FNTA: variants seen among roughly 807,000 people sequenced by gnomAD.
FNTA encodes farnesyltransferase, CAAX box, subunit alpha, also known as protein farnesyltransferase/geranylgeranyltransferase type-1 subunit alpha.
FNTA carries 27 observed loss-of-function variants against 55.2 expected under a neutral mutation model. That is an observed-to-expected ratio of 0.49 (90% confidence interval 0.36 to 0.67). FNTA has a LOEUF of 0.67. Ranked by LOEUF, FNTA falls within the 30% of genes least tolerant of loss-of-function variation. The pLI, the probability that FNTA is intolerant of heterozygous loss-of-function variation, is 0.00. For synonymous variants in FNTA, 176 were observed against 170.7 expected (o/e 1.03, Z -0.24); for missense variants, 422 against 464.7 (o/e 0.91, Z 0.85).
At chr8:43,076,964 G>T in intron 5 of FNTA, 1 of 322,406 alleles carries the variant, frequency 3.1e-6, no homozygotes, top group Admixed American at 4.7e-5. Context: ...AGTGAGTTTG[G>T]GGTTTTTTTC....
intron 5 of FNTA, among the ~76,000 whole-genome samples, chr8:43,072,758 T>C (rs921071596): frequency 6.6e-6 from 1 of 152,082 alleles, no homozygotes. Flanking sequence ...ATTAACATAC[T>C]TAAAACCTGA....
chr8:43,079,529 A>G (rs555433319), intron 6 of FNTA: 2 of 152,628 alleles, frequency 1.3e-5, no homozygotes, highest in African/African-American at 4.8e-5. Flanking sequence ...TGTTCAGAAA[A>G]ATTTCTTGGA....
rs576085708 is a variant in FNTA at position 43,069,794 on chromosome 8, G to A, written c.506+135G>A. 4.4e-4 allele frequency: 266 copies of A among 603,204 alleles called. 2 individuals are homozygous for A. The highest frequency in any genetic ancestry group is 6.9e-4 in the Non-Finnish European group (233 of 339,958). The allele number at this position is 603,204 out of a possible 1,614,324, so 37.4% of individuals were successfully genotyped here. On this transcript the variant is annotated intron_variant, in intron 4 of 8. Transcript: ENST00000302279. ...TGGGTAGCTGGGATTACAGGTGCAC[G>A]CAACCACACCTGGCTAATTTTGTAT...
At chr8:43,074,860 A>G (rs934005086) in intron 5 of FNTA, among the ~76,000 whole-genome samples, 1 of 152,148 alleles carries the variant, frequency 6.6e-6, no homozygotes, top group African/African-American at 2.4e-5. Flanking sequence ...ATGGGATTAA[A>G]TTGTGTAGAA....
chr8:43,057,956 C>CA (rs71550440), intron 1 of FNTA, among the ~76,000 whole-genome samples: 9,605 of 68,950 alleles, frequency 0.14, 393 homozygotes, highest in Middle Eastern at 0.23. Context: ...GACTCCATCT[C>CA]AAAAAAAAAA....
intron 6 of FNTA, chr8:43,080,214 G>A (rs1157897657): frequency 6.6e-6 from 1 of 152,212 alleles, no homozygotes; most frequent in African/African-American, 2.4e-5. Flanking sequence ...TTTACTGTGA[G>A]TAAAATGCTA....
At position 43,072,253 on chromosome 8, in the gene FNTA, T is replaced by A. The variant is rs1191783877; in HGVS notation, c.579T>A (p.Leu193=). 1.3e-6 allele frequency: 2 copies of A among 1,592,060 alleles called. No homozygotes were observed. The highest frequency in any genetic ancestry group is 8.6e-7 in the Non-Finnish European group (1 of 1,168,404). Residue 193 remains leucine, a synonymous_variant, in exon 5 of 9, where the codon CTT becomes CTA. Coordinates refer to ENST00000302279, the MANE Select transcript of FNTA (RefSeq NM_002027.3). ...SQELEFIADI[L]NQDAKNYHAW... is the part of the protein sequence containing the mutation. Reference sequence around the variant, plus strand: ...AGCTTGAATTTATTGCTGATATTCTTAATCAGGATGCAAAGAATTATCATG... The same window carrying A: ...AGCTTGAATTTATTGCTGATATTCTAAATCAGGATGCAAAGAATTATCATG...
intron 1 of FNTA, 37 bp downstream of exon 1, chr8:43,056,583 C>G (rs1379818417): frequency 1.6e-6 from 2 of 1,265,180 alleles, no homozygotes; most frequent in African/African-American, 1.6e-5. Context: ...CGGGACACTC[C>G]CTGGAGGCCC....
chr8:43,060,532 G>T (rs1810506387), intron 2 of FNTA, among the ~76,000 whole-genome samples: 1 of 152,000 alleles, frequency 6.6e-6, no homozygotes, highest in African/African-American at 2.4e-5. Flanking sequence ...AAAATTAGCT[G>T]GGCGTGGTGG....
At chr8:43,065,383 G>A (rs1315902727) in intron 3 of FNTA, among the ~76,000 whole-genome samples, 1 of 152,058 alleles carries the variant, frequency 6.6e-6, no homozygotes, top group East Asian at 1.9e-4. Flanking sequence ...AGGTAGCTGG[G>A]ATTACAGGTG....
At chr8:43,060,115 TA>T (rs1180394941) in intron 2 of FNTA, among the ~76,000 whole-genome samples, 5 of 152,200 alleles carry the variant, frequency 3.3e-5, no homozygotes, top group African/African-American at 1.2e-4. Context: ...AGGCAAGATG[TA>T]AACCTCAGAA....
chr8:43,075,184 T>A (rs1810882370), intron 5 of FNTA, among the ~76,000 whole-genome samples: 1 of 152,180 alleles, frequency 6.6e-6, no homozygotes, highest in African/African-American at 2.4e-5. Flanking sequence ...CTTGTAGGTG[T>A]TTACTCTCTA....
In FNTA at chr8:43,070,995, C is replaced by T. The variant is rs989540842; in HGVS notation, c.507-1186C>T. Among the ~76,000 whole-genome samples the T allele has an allele frequency of 2.0e-5, 3 of 152,248 alleles. No homozygotes were observed. In the East Asian group the frequency reaches 5.8e-4, roughly 29 times the overall value. ...AGATTTCTAAAATAAATTTGGAAACCTTCTGTCTAGGCTTTTGTTTTTGGT... is the reference window on the plus strand; with the variant it reads ...AGATTTCTAAAATAAATTTGGAAACTTTCTGTCTAGGCTTTTGTTTTTGGT... On this transcript the variant is annotated intron_variant, in intron 4 of 8. Coordinates refer to ENST00000302279, the MANE Select transcript of FNTA (RefSeq NM_002027.3).
chr8:43,064,158 G>A lies in FNTA; in HGVS notation c.344G>A (p.Arg115Gln), dbSNP rs1409703293. 1.2e-6 allele frequency: 2 copies of A among 1,614,086 alleles called. No homozygotes were observed. The highest frequency in any genetic ancestry group is 1.7e-6 in the Non-Finnish European group (2 of 1,179,958). Residue 115 changes from arginine to glutamine, a missense_variant, in exon 3 of 9, where the codon CGA becomes CAA. Arg to Gln is a conservative substitution (Grantham distance 43). Transcript: ENST00000302279. ...AVLQRDERSE[R>Q]AFKLTRDAIE... ...CTGCAGCGTGATGAAAGAAGTGAAC[G>A]AGCTTTTAAGCTAACCCGGGATGCT...
rs774766251 is a variant in FNTA at position 43,069,615 on chromosome 8, C to T, written c.462C>T (p.Tyr154=). ...AGGATCTACATGAGGAAATGAACTACATCACTGCAATAATTGAGGAGCAGC... is the reference window on the plus strand; with the variant it reads ...AGGATCTACATGAGGAAATGAACTATATCACTGCAATAATTGAGGAGCAGC... The part of the protein sequence containing the change: ...LQKDLHEEMN[Y]ITAIIEEQPK... The change falls in exon 4 of 9, where the codon TAC becomes TAT. Residue 154 remains tyrosine (Y), a synonymous_variant. Transcript: ENST00000302279. 1 of 1,613,594 alleles carries T rather than the reference C, an allele frequency of 6.2e-7. No homozygotes were observed.
At chr8:43,072,450 G>T in intron 5 of FNTA, 143 bp downstream of exon 5, 1 of 477,408 alleles carries the variant, frequency 2.1e-6, no homozygotes, top group Non-Finnish European at 3.3e-6. Context: ...TATTGGCCAT[G>T]TGTGGTGGCT....
chr8:43,084,515 G>C, intron 7 of FNTA, 195 bp from the exon 8 acceptor site: 1 of 467,526 alleles, frequency 2.1e-6, no homozygotes, highest in South Asian at 3.0e-5. Flanking sequence ...ACTGCACCTG[G>C]CCAGCTCTTA....
intron 3 of FNTA, 37 bp downstream of exon 3, chr8:43,064,252 T>G: frequency 7.9e-7 from 1 of 1,270,956 alleles, no homozygotes; most frequent in Non-Finnish European, 1.1e-6. Flanking sequence ...CCTGCTTAAA[T>G]GTTTTACTTC....
intron 6 of FNTA, chr8:43,077,591 TTAATG>T: frequency 2.9e-6 from 1 of 340,106 alleles, no homozygotes; most frequent in East Asian, 4.4e-5. Flanking sequence ...GAAAGAAATC[TTAATG>T]TTATGGGGTA....
Sources: gnomAD v4.1 joint callset for allele counts (sites outside exome capture counted in the v4.1 genomes callset) on GRCh38, gnomAD v4.1.1 for gene constraint, MANE v1.5 for transcripts, NCBI Gene and HGNC (gene_info 2026-07-23, HGNC 2026-07-21) for gene names.